Variants in NAA11 observed in about 807,000 individuals in gnomAD.
NAA11 encodes the protein N-alpha-acetyltransferase 11.
NAA11 carries 15 observed loss-of-function variants against 16.1 expected under a neutral mutation model. The observed-to-expected ratio is 0.93, with a 90% CI of 0.62 to 1.44. The LOEUF is 1.44. Ranked by LOEUF, NAA11 falls within the 40% of genes most tolerant of loss-of-function variation. The pLI is 0.00. For missense variants in NAA11, 298 were observed against 291.3 expected (o/e 1.02, Z -0.17); for synonymous variants, 122 against 112.4 (o/e 1.09, Z -0.54).
At chr4:79,272,183 A>G (rs1722510131) in intron 2 of NAA11, among the ~76,000 whole-genome samples, 1 of 151,912 alleles carries the variant, frequency 6.6e-6, no homozygotes, top group Admixed American at 6.6e-5. Flanking sequence ...AGATAAAAGA[A>G]ATGTATTTGT....
chr4:79,225,521 T>G (rs1165415046), downstream of NAA11, among the ~76,000 whole-genome samples: 1 of 152,040 alleles, frequency 6.6e-6, no homozygotes, highest in East Asian at 1.9e-4. Context: ...GATCAGGCAG[T>G]GGAGAGAGCA....
At chr4:79,223,662 G>T (rs1236309553), downstream of NAA11, among the ~76,000 whole-genome samples, 1 of 131,240 alleles carries the variant, frequency 7.6e-6, no homozygotes, top group East Asian at 2.3e-4. Context: ...AAAAAAAAAA[G>T]ATTTCTCTAC....
the NAA11 span, among the ~76,000 whole-genome samples, chr4:79,200,200 A>G: frequency 6.6e-6 from 1 of 151,894 alleles, no homozygotes; most frequent in South Asian, 2.1e-4. Flanking sequence ...CCGTTTTAAA[A>G]TGAAGACAAT....
At chr4:79,291,458 G>A (rs1723083268) in intron 2 of NAA11, among the ~76,000 whole-genome samples, 1 of 151,968 alleles carries the variant, frequency 6.6e-6, no homozygotes, top group South Asian at 2.1e-4. Context: ...GTGAGACCCT[G>A]TCTCAAAATT....
chr4:79,288,742 A>G (rs946901352), intron 2 of NAA11, among the ~76,000 whole-genome samples: 1 of 152,192 alleles, frequency 6.6e-6, no homozygotes, highest in African/African-American at 2.4e-5. Context: ...AAAAATTACT[A>G]AACAATACAT....
At chr4:79,256,813 C>T (rs1056116831) in intron 2 of NAA11, among the ~76,000 whole-genome samples, 6 of 151,364 alleles carry the variant, frequency 4.0e-5, no homozygotes, top group Non-Finnish European at 7.4e-5. Context: ...CCACCACACT[C>T]GGCTAATTTT....
chr4:79,309,714 C>CTTTTTTTTTTTTTTTTTTTTTTTT (rs71662804), intron 1 of NAA11, among the ~76,000 whole-genome samples: 1 of 81,422 alleles, frequency 1.2e-5, no homozygotes, highest in Non-Finnish European at 2.2e-5. Context: ...TTTTTTTTTT[C>CTTTTTTTTTTTTTTTTTTTTTTTT]TTTTTTTTTT....
At chr4:79,231,561 A>C (rs961416507) in intron 2 of NAA11, among the ~76,000 whole-genome samples, 1 of 151,914 alleles carries the variant, frequency 6.6e-6, no homozygotes, top group Non-Finnish European at 1.5e-5. Context: ...TATACCTTGA[A>C]AAATTATATG....
At chr4:79,213,852 C>G in the NAA11 span, among the ~76,000 whole-genome samples, 1,157 of 152,266 alleles carry the variant, frequency 7.6e-3, 17 homozygotes, top group African/African-American at 0.026. Context: ...ATACTGATGA[C>G]ATCATTTTAG....
intron 2 of NAA11, among the ~76,000 whole-genome samples, chr4:79,251,288 C>T (rs1233171832): frequency 2.0e-5 from 3 of 152,166 alleles, no homozygotes; most frequent in Admixed American, 1.3e-4. Context: ...TGGAATACTA[C>T]ACAGACATAA....
chr4:79,256,655 T>A (rs914775893), intron 2 of NAA11, among the ~76,000 whole-genome samples: 1 of 144,734 alleles, frequency 6.9e-6, no homozygotes, highest in African/African-American at 2.6e-5. Context: ...AATATAAATA[T>A]ATATATATAT....
At chr4:79,305,274 C>T (rs1723542573) in intron 1 of NAA11, 1 of 152,176 alleles carries the variant, frequency 6.6e-6, no homozygotes. Flanking sequence ...AGGTAAAATA[C>T]TTTACATAGA....
chr4:79,291,348 A>G (rs1024738684), intron 2 of NAA11, among the ~76,000 whole-genome samples: 1 of 152,138 alleles, frequency 6.6e-6, no homozygotes, highest in Admixed American at 6.5e-5. Flanking sequence ...CTGTAGTCTC[A>G]GCTACTAGGG....
At chr4:79,180,962 C>G in the NAA11 span, among the ~76,000 whole-genome samples, 1 of 152,036 alleles carries the variant, frequency 6.6e-6, no homozygotes, top group Non-Finnish European at 1.5e-5. Flanking sequence ...CCATCATTCT[C>G]AGCAAACTAT....
At chr4:79,281,955 G>A (rs1389508360) in intron 2 of NAA11, among the ~76,000 whole-genome samples, 1 of 152,136 alleles carries the variant, frequency 6.6e-6, no homozygotes, top group Non-Finnish European at 1.5e-5. Context: ...TTTGCTGAAT[G>A]AGTGAATGAA....
At chr4:79,301,735 C>G (rs1421593998) in intron 1 of NAA11, among the ~76,000 whole-genome samples, 3 of 152,078 alleles carry the variant, frequency 2.0e-5, no homozygotes, top group Admixed American at 6.5e-5. Context: ...TACGAGGGAC[C>G]AAGTGTGGAG....
chr4:79,179,309 G>A, the NAA11 span, among the ~76,000 whole-genome samples: 142 of 152,228 alleles, frequency 9.3e-4, no homozygotes, highest in Non-Finnish European at 1.9e-3. Context: ...TTGACCTCGA[G>A]AAAGTTGCTT....
In NAA11 at chr4:79,325,341, C is replaced by G; in HGVS notation, c.537G>C (p.Glu179Asp). The G allele has an allele frequency of 6.2e-7, 1 of 1,613,984 alleles. No homozygotes were observed. The highest frequency in any genetic ancestry group is 1.1e-5 in the South Asian group (1 of 91,078). ...YVVLGSRENQ[E>D]TQGSTLSDSE... ...AATCAGAAAGTGTGCTGCCCTGGGT[C>G]TCCTGGTTCTCCCTGGAGCCCAGGA... is the stretch of plus-strand genomic sequence containing the variant. Residue 179 changes from glutamate to aspartate, a missense_variant, in exon 1 of 2, where the codon GAG (glutamate) becomes GAC (aspartate). Physicochemically the swap from Glu to Asp is conservative, Grantham distance 45. Transcript: ENST00000286794.
intron 2 of NAA11, among the ~76,000 whole-genome samples, chr4:79,279,471 C>T (rs1303608956): frequency 1.3e-5 from 2 of 152,036 alleles, no homozygotes; most frequent in Non-Finnish European, 2.9e-5. Context: ...GCATAAAGAT[C>T]TCTGATCTTG....
Sources: allele counts gnomAD v4.1 joint callset (sites outside exome capture counted in the v4.1 genomes callset), GRCh38; gene constraint gnomAD v4.1.1; transcripts MANE v1.5; gene names NCBI Gene and HGNC (gene_info 2026-07-23, HGNC 2026-07-21).